Variants in CAMKK2 observed in about 807,000 individuals in gnomAD.
The protein encoded by CAMKK2 is calcium/calmodulin dependent protein kinase kinase 2.
CAMKK2 carries 30 observed loss-of-function variants against 67.2 expected under a neutral mutation model. The observed-to-expected ratio is 0.45, with a 90% confidence interval of 0.33 to 0.61. The LOEUF is 0.61. Among genes scored for constraint, CAMKK2 ranks in the 20% least tolerant of loss-of-function variants. CAMKK2 has a pLI of 0.02. For synonymous variants in CAMKK2, 322 were observed against 326.2 expected (o/e 0.99, Z 0.14); for missense variants, 643 against 802.0 (o/e 0.80, Z 2.39).
intron 6 of CAMKK2, among the ~76,000 whole-genome samples, chr12:121,263,573 T>C (rs1893908673): frequency 6.6e-6 from 1 of 152,164 alleles, no homozygotes; most frequent in African/African-American, 2.4e-5. Context: ...TCAATTCCTT[T>C]GTCCGTAAAA....
intron 13 of CAMKK2, 75 bp from the exon 14 acceptor site, chr12:121,248,809 C>G: frequency 6.4e-7 from 1 of 1,564,450 alleles, no homozygotes; most frequent in Non-Finnish European, 8.8e-7. Context: ...AGCGGAGCCA[C>G]AAGGGCATGC....
rs777457205 is a variant in CAMKK2, at chr12:121,252,684, G to A, written c.1138C>T (p.Leu380=). 1.9e-6 allele frequency: 3 copies of A among 1,614,224 alleles called. No individual in the cohort carries two copies. Among genetic ancestry groups the A allele is most frequent in the Admixed American group, 1.7e-5 (1 of 60,022 alleles). ...ACCTGGCCAAAGACAAAGCAGTATA[G>A]TGTCACACCCATGGCCCAAACATCC... is the stretch of plus-strand genomic sequence containing the variant. The part of the protein sequence containing the change: ...ALDVWAMGVT[L]YCFVFGQCPF... Residue 380 remains leucine, a synonymous_variant, in exon 11 of 17, where the codon CTA becomes TTA. Coordinates refer to ENST00000404169, the MANE Select transcript of CAMKK2 (RefSeq NM_001270485.2).
At chr12:121,278,065 C>T (rs946151123) in intron 1 of CAMKK2, among the ~76,000 whole-genome samples, 1 of 152,194 alleles carries the variant, frequency 6.6e-6, no homozygotes, top group African/African-American at 2.4e-5. Flanking sequence ...CGGGATCAGA[C>T]GGGGCAGGAG....
chr12:121,297,463 CT>C (rs1317557224), upstream of CAMKK2: 3 of 395,140 alleles, frequency 7.6e-6, no homozygotes, highest in African/African-American at 4.1e-5. Flanking sequence ...TTCATTCTGG[CT>C]TTTCCAGATG....
chr12:121,270,396 T>C (rs1049621127), intron 3 of CAMKK2, among the ~76,000 whole-genome samples: 1 of 151,434 alleles, frequency 6.6e-6, no homozygotes, highest in South Asian at 2.1e-4. Context: ...TCAAGATTCC[T>C]AGTTTATTTT....
chr12:121,244,500 C>G, intron 16 of CAMKK2, 73 bp downstream of exon 16: 1 of 1,417,050 alleles, frequency 7.1e-7, no homozygotes, highest in Non-Finnish European at 9.7e-7. Flanking sequence ...GGGGATGCCC[C>G]CGTGCTCTGC....
In CAMKK2 at chr12:121,274,116, C is replaced by T. The variant is rs761201595; in HGVS notation, c.411G>A (p.Ser137=). The T allele has an allele frequency of 9.0e-6, 14 of 1,556,950 alleles. No individual in the cohort carries two copies. In the Middle Eastern group the frequency reaches 6.9e-4, roughly 77 times the overall value. The change falls in exon 2 of 17, where the codon TCG becomes TCA. Residue 137 remains serine (S), a synonymous_variant. Transcript: ENST00000404169. ...PYSPVSSPQS[S]PRLPRRPTVE... is the part of the protein sequence containing the mutation. ...CTGTCGGCCGCCGGGGCAGCCGAGG[C>T]GAGGACTGCGGGGAGCTGACGGGTG...
intron 1 of CAMKK2, among the ~76,000 whole-genome samples, chr12:121,282,668 C>G (rs1037680696): frequency 3.9e-5 from 6 of 152,176 alleles, no homozygotes; most frequent in African/African-American, 1.4e-4. Flanking sequence ...CCCCTCGGAG[C>G]CTTCAGAAGG....
chr12:121,262,235 G>A (rs147421333), intron 6 of CAMKK2, among the ~76,000 whole-genome samples: 22 of 152,198 alleles, frequency 1.4e-4, no homozygotes, highest in African/African-American at 3.4e-4. Flanking sequence ...TTACTCGGCC[G>A]GGTGCAGTGG....
intron 1 of CAMKK2, among the ~76,000 whole-genome samples, chr12:121,291,092 T>C (rs1224173342): frequency 6.6e-6 from 1 of 152,214 alleles, no homozygotes; most frequent in East Asian, 1.9e-4. Flanking sequence ...AGTGCTGGGA[T>C]TACAGGCGTA....
chr12:121,240,957 C>T lies in CAMKK2; in HGVS notation c.1597-88G>A. 2 of 1,341,314 alleles carry T rather than the reference C, an allele frequency of 1.5e-6. No homozygotes were observed. The highest frequency in any genetic ancestry group is 1.9e-4 in the Middle Eastern group (1 of 5,332). 83.1% of individuals were successfully genotyped at this position (1,341,314 alleles called of 1,614,324 possible). On this transcript the variant is annotated intron_variant, in intron 16 of 16. Coordinates refer to ENST00000404169, the MANE Select transcript of CAMKK2 (RefSeq NM_001270485.2). The surrounding 1 kb of genome is among the most constrained non-coding windows in gnomAD (Gnocchi z 4.4). ...GCTGCTCCCACATCTGGGCCCCCTG[C>T]CCAAGTGGGCCGTCGCGCACCCCCT... is the stretch of plus-strand genomic sequence containing the variant.
At chr12:121,250,325 A>G (rs1454393056) in intron 11 of CAMKK2, among the ~76,000 whole-genome samples, 1 of 152,162 alleles carries the variant, frequency 6.6e-6, no homozygotes, top group Non-Finnish European at 1.5e-5. Context: ...ACTTACACCA[A>G]AGCAAACACT....
chr12:121,290,612 C>A (rs925917995), intron 1 of CAMKK2, among the ~76,000 whole-genome samples: 3 of 152,084 alleles, frequency 2.0e-5, no homozygotes, highest in Admixed American at 2.0e-4. Flanking sequence ...ATCTCTTGAG[C>A]CTGGGAGGTT....
At chr12:121,288,858 A>C (rs1268845945) in intron 1 of CAMKK2, among the ~76,000 whole-genome samples, 1 of 151,064 alleles carries the variant, frequency 6.6e-6, no homozygotes, top group Admixed American at 6.6e-5. Flanking sequence ...GCAACATAAA[A>C]ATAGTTGCTC....
At chr12:121,257,444 C>T (rs1321297502) in intron 7 of CAMKK2, among the ~76,000 whole-genome samples, 1 of 152,044 alleles carries the variant, frequency 6.6e-6, no homozygotes, top group Middle Eastern at 3.2e-3. Context: ...GATGGGGTTT[C>T]ACCGTATTGG....
intron 4 of CAMKK2, 78 bp downstream of exon 4, chr12:121,269,450 T>G (rs1895288371): frequency 3.4e-6 from 4 of 1,181,384 alleles, no homozygotes; most frequent in Non-Finnish European, 4.9e-6. Flanking sequence ...TAGGAAAACT[T>G]TCCAGGAAGC....
intron 1 of CAMKK2, among the ~76,000 whole-genome samples, chr12:121,290,652 T>G (rs1040459222): frequency 6.6e-6 from 1 of 151,948 alleles, no homozygotes; most frequent in South Asian, 2.1e-4. Flanking sequence ...ATGGCAACAC[T>G]GCACTCCAGC....
At chr12:121,295,829 C>G (rs1046592076) in intron 1 of CAMKK2, among the ~76,000 whole-genome samples, 4 of 152,156 alleles carry the variant, frequency 2.6e-5, no homozygotes, top group African/African-American at 9.7e-5. Context: ...GGCAGGCTGG[C>G]AGAGCTGTGA....
intron 1 of CAMKK2, among the ~76,000 whole-genome samples, chr12:121,291,224 T>C (rs1899948577): frequency 6.6e-6 from 1 of 152,200 alleles, no homozygotes; most frequent in South Asian, 2.1e-4. Flanking sequence ...CCTGAGTGAT[T>C]TCAAGAAACC....
Sources: allele counts gnomAD v4.1 joint callset (sites outside exome capture counted in the v4.1 genomes callset), GRCh38; gene constraint gnomAD v4.1.1; non-coding constraint Gnocchi (gnomAD v3.1); transcripts MANE v1.5; gene names NCBI Gene and HGNC (gene_info 2026-07-23, HGNC 2026-07-21).